Variants in SIDT1 observed in about 807,000 individuals in gnomAD.
The protein encoded by SIDT1 is SID1 transmembrane family member 1.
SIDT1 carries 101 observed loss-of-function variants against 107.5 expected under a neutral mutation model. The ratio of observed to expected loss-of-function variants is 0.94; its 90% CI spans 0.80 to 1.11. The LOEUF (loss-of-function observed/expected upper bound fraction) is 1.11, where lower values mean the gene tolerates loss of function less well. Among genes scored for constraint, SIDT1 ranks in the 50% least tolerant of loss-of-function variants. SIDT1 has a pLI of 0.00. For missense variants in SIDT1, 1,076 were observed against 1,058.2 expected (o/e 1.02, Z -0.23); for synonymous variants, 395 against 398.2 (o/e 0.99, Z 0.10).
At chr3:113,593,426 C>G (rs548776993) in intron 10 of SIDT1, among the ~76,000 whole-genome samples, 1 of 152,152 alleles carries the variant, frequency 6.6e-6, no homozygotes, top group Non-Finnish European at 1.5e-5. Flanking sequence ...ATCTGGGTTG[C>G]GTGCTCCTTA....
chr3:113,556,226 C>T (rs1940842923), intron 1 of SIDT1, among the ~76,000 whole-genome samples: 1 of 152,162 alleles, frequency 6.6e-6, no homozygotes, highest in South Asian at 2.1e-4. Context: ...GTTTTAAAGG[C>T]TGAATCAGAC....
rs531462010 is a variant in SIDT1 at position 113,560,443 on chromosome 3, A to C, written c.223-5977A>C. 3.9e-5 allele frequency among the ~76,000 whole-genome samples: 6 copies of C among 152,290 alleles called. No individual in the cohort carries two copies. The East Asian group carries it at 7.7e-4, about 20-fold the overall frequency. ...CTTTAGAATATCCCCAGCACCTCCC[A>C]CAGCTCCTGACTCAGGGCAAATCCT... On this transcript the variant is annotated intron_variant, in intron 1 of 24. Transcript: ENST00000264852.
At chr3:113,557,191 C>T (rs1940972584) in intron 1 of SIDT1, among the ~76,000 whole-genome samples, 2 of 152,118 alleles carry the variant, frequency 1.3e-5, no homozygotes, top group African/African-American at 2.4e-5. Context: ...ATTCTTTAGG[C>T]CTGGCCTCCA....
intron 1 of SIDT1, among the ~76,000 whole-genome samples, chr3:113,560,734 A>T (rs981348450): frequency 1.3e-5 from 2 of 152,268 alleles, no homozygotes; most frequent in African/African-American, 4.8e-5. Context: ...TATTCCAAAT[A>T]ATAGAGGCTA....
intron 1 of SIDT1, among the ~76,000 whole-genome samples, chr3:113,554,505 A>C (rs999042654): frequency 1.3e-5 from 2 of 152,098 alleles, no homozygotes; most frequent in Non-Finnish European, 2.9e-5. Flanking sequence ...ATGGCTTTAT[A>C]AAGAGCAGTT....
chr3:113,563,585 G>A (rs1209037419), intron 1 of SIDT1, among the ~76,000 whole-genome samples: 2 of 152,172 alleles, frequency 1.3e-5, no homozygotes, highest in African/African-American at 4.8e-5. Context: ...TCCGGAACGT[G>A]GGTTCTTCTA....
chr3:113,618,907 C>A (rs980260691), intron 20 of SIDT1, among the ~76,000 whole-genome samples: 2 of 152,192 alleles, frequency 1.3e-5, no homozygotes, highest in Non-Finnish European at 2.9e-5. Flanking sequence ...TCACTGCAAC[C>A]TCTGCCTCCC....
At chr3:113,542,660 T>G (rs1024377516) in intron 1 of SIDT1, among the ~76,000 whole-genome samples, 1 of 152,164 alleles carries the variant, frequency 6.6e-6, no homozygotes, top group African/African-American at 2.4e-5. Context: ...TTTCTTACCT[T>G]TAGAAGGGAA....
rs138538805 is a variant in SIDT1 at position 113,574,091 on chromosome 3, G to A, written c.516-2831G>A. On this transcript the variant is annotated intron_variant, in intron 3 of 24. Transcript: ENST00000264852. ...GAAAAGGGAGGCATTTGGGTGGGGT[G>A]TTTGTTATTTGTTTTGAAAATGGTT... Among the ~76,000 whole-genome samples the A allele has an allele frequency of 4.1e-3, 617 of 152,258 alleles. 3 individuals carry two copies. Among genetic ancestry groups the A allele is most frequent in the African/African-American group, 0.014 (579 of 41,550 alleles).
At chr3:113,581,561 T>C in intron 6 of SIDT1, 117 bp downstream of exon 6, 1 of 815,012 alleles carries the variant, frequency 1.2e-6, no homozygotes, top group Non-Finnish European at 2.1e-6. Flanking sequence ...ATCTCCTTCC[T>C]TTCTGATTGG....
intron 3 of SIDT1, among the ~76,000 whole-genome samples, chr3:113,571,525 ACTC>A (rs1442852865): frequency 9.5e-6 from 1 of 104,906 alleles, no homozygotes; most frequent in Non-Finnish European, 2.0e-5. Context: ...CTGTGCCACT[ACTC>A]TTTTTCTACA....
rs55802002 is a variant in SIDT1 at position 113,566,338 on chromosome 3, TTGTGTGTG to T, written c.223-62_223-55del. ...CTATGGTGTGTGTGTTTGTGTGTGT[TTGTGTGTG>T]TGTGTGTGTGTGTGTGTGTTTGCAT... On this transcript the variant is annotated intron_variant, in intron 1 of 24. Transcript: ENST00000264852. 283 of 1,099,348 alleles carry T rather than the reference TTGTGTGTG, an allele frequency of 2.6e-4. 3 individuals are homozygous for T. In the African/African-American group the frequency reaches 2.8e-3, roughly 11 times the overall value. 68.1% of individuals were successfully genotyped at this position (1,099,348 alleles called of 1,614,324 possible).
intron 17 of SIDT1, among the ~76,000 whole-genome samples, chr3:113,609,274 C>G (rs570159995): frequency 6.6e-6 from 1 of 151,810 alleles, no homozygotes; most frequent in East Asian, 1.9e-4. Flanking sequence ...CCATGTTGGC[C>G]GGGCTGGTCT....
chr3:113,603,161 T>C lies in SIDT1; in HGVS notation c.1263+11T>C. On this transcript the variant is annotated intron_variant, in intron 12 of 24. Transcript: ENST00000264852. ...ATCATCCGGACCAAGGTACCCACTC[T>C]GCCTCGCCGTACTCTTTGAGAGGGC... The C allele has an allele frequency of 1.2e-6, 2 of 1,612,150 alleles. No homozygotes were observed. The highest frequency in any genetic ancestry group is 1.7e-6 in the Non-Finnish European group (2 of 1,178,842).
At chr3:113,535,301 A>T (rs903088072) in intron 1 of SIDT1, among the ~76,000 whole-genome samples, 1 of 152,116 alleles carries the variant, frequency 6.6e-6, no homozygotes, top group Admixed American at 6.5e-5. Context: ...TAAAGAAAAG[A>T]GAGGCTTATA....
chr3:113,611,459 G>A (rs1384856126), intron 18 of SIDT1, among the ~76,000 whole-genome samples: 1 of 152,166 alleles, frequency 6.6e-6, no homozygotes, highest in Non-Finnish European at 1.5e-5. Flanking sequence ...AGCCTCCTGA[G>A]TAGCTGGGAC....
In SIDT1 at chr3:113,611,019, A is replaced by C; in HGVS notation, c.1732A>C (p.Met578Leu). ...CTTTGGGTCCTCAGACACCTCCTTC[A>C]TGTACATGATCGCTGGCCTGTGCAT... ...YSNFQFDTSF[M>L]YMIAGLCMLK... The change falls in exon 18 of 25, where the codon ATG becomes CTG. Residue 578 changes from methionine to leucine, a missense_variant. Met to Leu is a conservative substitution (Grantham distance 15). Transcript: ENST00000264852. 1 of 1,613,848 alleles carries C rather than the reference A, an allele frequency of 6.2e-7. No individual in the cohort carries two copies. Among genetic ancestry groups the C allele is most frequent in the Non-Finnish European group, 8.5e-7 (1 of 1,179,856 alleles).
chr3:113,533,344 G>C (rs898278098), intron 1 of SIDT1, 101 bp downstream of exon 1: 38 of 878,996 alleles, frequency 4.3e-5, no homozygotes, highest in Middle Eastern at 2.3e-4. Flanking sequence ...GGGAGACTTC[G>C]GGGACCAGGG....
At chr3:113,625,931 C>T in intron 23 of SIDT1, 171 bp from the exon 24 acceptor site, 1 of 574,068 alleles carries the variant, frequency 1.7e-6, no homozygotes, top group Non-Finnish European at 3.1e-6. Context: ...CTTTGGTTGC[C>T]TGTGCTTTTG....
Sources: gnomAD v4.1 joint callset for allele counts (sites outside exome capture counted in the v4.1 genomes callset) on GRCh38, gnomAD v4.1.1 for gene constraint, MANE v1.5 for transcripts, NCBI Gene and HGNC (gene_info 2026-07-23, HGNC 2026-07-21) for gene names.